NEURL1B: variants seen among roughly 807,000 people sequenced by gnomAD.
The protein encoded by NEURL1B is neuralized E3 ubiquitin protein ligase 1B, also known as E3 ubiquitin-protein ligase NEURL1B.
NEURL1B carries 13 observed loss-of-function variants against 37.4 expected under a neutral mutation model. The ratio of observed to expected loss-of-function variants is 0.35; its 90% confidence interval spans 0.23 to 0.55. The LOEUF is 0.55. Ranked by LOEUF, NEURL1B falls within the 20% of genes least tolerant of loss-of-function variation. The pLI, the probability that NEURL1B is intolerant of heterozygous loss-of-function variation, is 0.89. For synonymous variants in NEURL1B, 432 were observed against 426.6 expected, an observed-to-expected ratio of 1.01 and a Z score of -0.16; for missense variants, 790 against 879.2, an observed-to-expected ratio of 0.90 and a Z score of 1.28.
At chr5:172,680,422 G>C (rs1049183968) in intron 2 of NEURL1B, among the ~76,000 whole-genome samples, 43 of 152,168 alleles carry the variant, frequency 2.8e-4, no homozygotes, top group Admixed American at 1.2e-3. Context: ...GAGTTGGCGG[G>C]GGGGAAGGAG....
intron 1 of NEURL1B, among the ~76,000 whole-genome samples, chr5:172,643,678 C>T (rs1757509363): frequency 1.3e-5 from 2 of 152,116 alleles, no homozygotes; most frequent in African/African-American, 4.8e-5. Context: ...TGGTGGAGCT[C>T]GAATGTTGCC....
In NEURL1B at chr5:172,657,877, C is replaced by A. The variant is rs1241767424; in HGVS notation, c.32-11908C>A. On this transcript the variant is annotated intron_variant, in intron 1 of 4. Transcript: ENST00000369800. The surrounding 1 kb of genome is among the most constrained non-coding windows in gnomAD (Gnocchi z 4.0). ...TCATGTTCCTCCCATACTCCTGGTT[C>A]CTCTTTGAAGTTCGTAGTAGATAGT... 6.6e-6 allele frequency among the ~76,000 whole-genome samples: 1 copy of A among 152,170 alleles called. No homozygotes were observed. The highest frequency in any genetic ancestry group is 1.5e-5 in the Non-Finnish European group (1 of 68,034).
intron 2 of NEURL1B, among the ~76,000 whole-genome samples, chr5:172,682,909 G>A (rs1373958718): frequency 6.6e-6 from 1 of 152,218 alleles, no homozygotes. Context: ...AACCGTACAT[G>A]CCTCACAGAG....
rs1317829626 is a variant in NEURL1B, at chr5:172,683,324, G to A, written c.578-95G>A. On this transcript the variant is annotated intron_variant, in intron 2 of 4. Transcript: ENST00000369800. This position sits in a 1 kb window ranked among gnomAD's most constrained non-coding sequence, Gnocchi z 5.6. ...GGGCTGCTCGAGGCCCGGGTCGGTCGTGGAGGCCTGCAGGAGGCAGCGGGC... is the reference window on the plus strand; with the variant it reads ...GGGCTGCTCGAGGCCCGGGTCGGTCATGGAGGCCTGCAGGAGGCAGCGGGC... 14 of 1,238,752 alleles carry A rather than the reference G, an allele frequency of 1.1e-5. No individual in the cohort carries two copies. The highest frequency in any genetic ancestry group is 3.3e-5 in the East Asian group (1 of 30,744). The allele number at this position is 1,238,752 out of a possible 1,614,324, so 76.7% of individuals were successfully genotyped here. A position where few individuals can be genotyped will look rare whatever the true frequency, so the allele number is the denominator to read the frequency against.
In NEURL1B at chr5:172,683,844, C is replaced by A; in HGVS notation, c.1003C>A (p.Pro335Thr). ...VEVGRPGLAA[P>T]GALAFGITSC... ...GGTGGGCCGTCCGGGGCTGGCGGCG[C>A]CCGGCGCGCTGGCCTTCGGCATCAC... Residue 335 changes from proline (P) to threonine (T), a missense_variant, in exon 3 of 5, where the codon CCC (proline) becomes ACC (threonine). Physicochemically the swap from Pro to Thr is conservative, Grantham distance 38. Transcript: ENST00000369800. This position sits in a 1 kb window ranked among gnomAD's most constrained non-coding sequence, Gnocchi z 5.6. 1 of 1,331,784 alleles carries A rather than the reference C, an allele frequency of 7.5e-7. No homozygotes were observed. The highest frequency in any genetic ancestry group is 9.6e-7 in the Non-Finnish European group (1 of 1,037,358). The allele number at this position is 1,331,784 out of a possible 1,614,324, so 82.5% of individuals were successfully genotyped here. A position where few individuals can be genotyped will look rare whatever the true frequency, so the allele number is the denominator to read the frequency against.
chr5:172,666,728 C>G (rs79552786), intron 1 of NEURL1B, among the ~76,000 whole-genome samples: 1 of 152,140 alleles, frequency 6.6e-6, no homozygotes. Flanking sequence ...GCCTTCACCA[C>G]GGCCCAACGC....
intron 1 of NEURL1B, among the ~76,000 whole-genome samples, chr5:172,642,378 A>T (rs1289607759): frequency 6.6e-6 from 1 of 152,190 alleles, no homozygotes; most frequent in Non-Finnish European, 1.5e-5. Flanking sequence ...ACGCCCAAGT[A>T]TTTAGAAGTA....
intron 1 of NEURL1B, among the ~76,000 whole-genome samples, chr5:172,668,555 C>T (rs564470711): frequency 6.6e-6 from 1 of 152,312 alleles, no homozygotes; most frequent in East Asian, 1.9e-4. Flanking sequence ...TCAAACCCCC[C>T]CACTTCCACT....
In NEURL1B at chr5:172,664,806, A is replaced by G. The variant is rs116538011; in HGVS notation, c.32-4979A>G. ...TTTTAACTCTAGTTTTCTTTATCTC[A>G]CGTCAGCGCTGTGGTCTTGGGGAGG... is the stretch of plus-strand genomic sequence containing the variant. On this transcript the variant is annotated intron_variant, in intron 1 of 4. Transcript: ENST00000369800. Among the ~76,000 whole-genome samples, 274 of 152,164 alleles carry G rather than the reference A, an allele frequency of 1.8e-3. 2 individuals carry two copies. Among genetic ancestry groups the G allele is most frequent in the African/African-American group, 6.3e-3 (262 of 41,516 alleles).
intron 1 of NEURL1B, among the ~76,000 whole-genome samples, chr5:172,650,016 GT>G (rs986532998): frequency 4.2e-4 from 64 of 152,348 alleles, no homozygotes; most frequent in African/African-American, 1.5e-3. Context: ...AATGGGTGGG[GT>G]CGAGGTGTCT....
At chr5:172,668,392 G>A (rs1758054529) in intron 1 of NEURL1B, among the ~76,000 whole-genome samples, 1 of 152,094 alleles carries the variant, frequency 6.6e-6, no homozygotes, top group South Asian at 2.1e-4. Flanking sequence ...GTTTAGAGAG[G>A]AGCCTCCCAG....
At chr5:172,650,132 G>A (rs568126935) in intron 1 of NEURL1B, among the ~76,000 whole-genome samples, 4 of 152,144 alleles carry the variant, frequency 2.6e-5, no homozygotes, top group African/African-American at 4.8e-5. Flanking sequence ...CATCCCTCAG[G>A]CACGTATTTT....
Position 172,686,861 on chromosome 5 carries a change from C to T in NEURL1B, c.1604C>T (p.Ala535Val). ...HSCGLRLKRQARACCPICRRP... is the reference protein window; with the variant it reads ...HSCGLRLKRQVRACCPICRRP... ...TGCGGCCTGCGGCTCAAGCGACAGGCCCGGGCCTGCTGCCCCATCTGCCGG... is the reference window on the plus strand; with the variant it reads ...TGCGGCCTGCGGCTCAAGCGACAGGTCCGGGCCTGCTGCCCCATCTGCCGG... The change falls in exon 5 of 5, where the codon GCC (alanine) becomes GTC (valine). Residue 535 changes from alanine (A) to valine (V), a missense_variant. Ala to Val is a moderately conservative substitution (Grantham distance 64). Coordinates refer to ENST00000369800, the MANE Select transcript of NEURL1B (RefSeq NM_001142651.3). This position sits in a 1 kb window ranked among gnomAD's most constrained non-coding sequence, Gnocchi z 7.9. 6.4e-7 allele frequency: 1 copy of T among 1,550,708 alleles called. No homozygotes were observed. The highest frequency in any genetic ancestry group is 8.7e-7 in the Non-Finnish European group (1 of 1,146,812).
rs1176591197 is a variant in NEURL1B at position 172,641,487 on chromosome 5, CG to C, written c.31+55del. 8 of 1,252,938 alleles carry C rather than the reference CG, an allele frequency of 6.4e-6. No homozygotes were observed. Among genetic ancestry groups the C allele is most frequent in the Admixed American group, 4.2e-5 (1 of 23,762 alleles). 77.6% of individuals were successfully genotyped at this position (1,252,938 alleles called of 1,614,324 possible). ...AGGCGGGCGCCGGGCTTCTCTCCTC[CG>C]GGGGACCCGCTGGGTGACTCTGGAG... On this transcript the variant is annotated intron_variant, in intron 1 of 4. Transcript: ENST00000369800. This position sits in a 1 kb window ranked among gnomAD's most constrained non-coding sequence, Gnocchi z 6.4.
At chr5:172,644,038 C>A (rs1581416421) in intron 1 of NEURL1B, among the ~76,000 whole-genome samples, 1 of 151,970 alleles carries the variant, frequency 6.6e-6, no homozygotes, top group African/African-American at 2.4e-5. Flanking sequence ...CTTTAAGTTT[C>A]TCCTTAGCAC....
At position 172,657,432 on chromosome 5, in the gene NEURL1B, TAG is replaced by T. The variant is rs1757817179; in HGVS notation, c.32-12349_32-12348del. Among the ~76,000 whole-genome samples, 1 of 152,176 alleles carries T rather than the reference TAG, an allele frequency of 6.6e-6. No individual in the cohort carries two copies. The highest frequency in any genetic ancestry group is 2.4e-5 in the African/African-American group (1 of 41,432). On this transcript the variant is annotated intron_variant, in intron 1 of 4. Coordinates refer to ENST00000369800, the MANE Select transcript of NEURL1B (RefSeq NM_001142651.3). The surrounding 1 kb of genome is among the most constrained non-coding windows in gnomAD (Gnocchi z 4.0). ...GAATAGTCATAATACAAATTAGATA[TAG>T]AGATGATCATGGACAATTATCAATC...
Position 172,684,146 on chromosome 5 carries a change from C to T in NEURL1B, c.1297+8C>T. ...GCCAGCTGCGTCTCCTCGGTGAGTC[C>T]CCGGCCCCGCGTGCGCGAGGCCCCG... On this transcript the variant is annotated splice_region_variant and intron_variant, in intron 3 of 4. Coordinates refer to ENST00000369800, the MANE Select transcript of NEURL1B (RefSeq NM_001142651.3). The T allele has an allele frequency of 2.4e-6, 3 of 1,232,060 alleles. No homozygotes were observed. The highest frequency in any genetic ancestry group is 3.0e-6 in the Non-Finnish European group (3 of 986,938). 76.3% of individuals were successfully genotyped at this position (1,232,060 alleles called of 1,614,324 possible). A position where few individuals can be genotyped will look rare whatever the true frequency, so the allele number is the denominator to read the frequency against.
intron 1 of NEURL1B, among the ~76,000 whole-genome samples, chr5:172,653,660 T>C (rs764054230): frequency 6.6e-6 from 1 of 152,188 alleles, no homozygotes; most frequent in South Asian, 2.1e-4. Context: ...ACAAAAAAAA[T>C]TTTAACCTTT....
chr5:172,663,100 G>C (rs981317911), intron 1 of NEURL1B, among the ~76,000 whole-genome samples: 8 of 132,482 alleles, frequency 6.0e-5, no homozygotes, highest in African/African-American at 2.3e-4. Flanking sequence ...TGTCGTCCTA[G>C]CTACTTGGGA....
Sources: gnomAD v4.1 joint callset for allele counts (sites outside exome capture counted in the v4.1 genomes callset) on GRCh38, gnomAD v4.1.1 for gene constraint, Gnocchi (gnomAD v3.1) non-coding constraint, MANE v1.5 for transcripts, NCBI Gene and HGNC (gene_info 2026-07-23, HGNC 2026-07-21) for gene names.